Variants in APH1B observed in about 807,000 individuals in gnomAD.
The protein encoded by APH1B is aph-1B gamma-secretase subunit.
A neutral mutation model predicts 28.2 loss-of-function variants in APH1B; 27 were observed. That is an observed-to-expected ratio of 0.96 (90% CI 0.70 to 1.32). APH1B has a LOEUF of 1.32. Among genes scored for constraint, APH1B ranks in the 40% most tolerant of loss-of-function variants. APH1B has a pLI of 0.00. For missense variants in APH1B, 305 were observed against 313.6 expected (o/e 0.97, Z 0.21); for synonymous variants, 141 against 124.6 (o/e 1.13, Z -0.88).
chr15:63,286,013 A>G (rs977517519), intron 2 of APH1B, among the ~76,000 whole-genome samples: 15 of 152,208 alleles, frequency 9.9e-5, no homozygotes, highest in Non-Finnish European at 2.1e-4. Flanking sequence ...GTGATTACCA[A>G]CCATTGGTAG....
intron 3 of APH1B, among the ~76,000 whole-genome samples, chr15:63,286,871 T>C (rs2038452518): frequency 6.6e-6 from 1 of 152,244 alleles, no homozygotes; most frequent in Non-Finnish European, 1.5e-5. Context: ...ATTTTTAATG[T>C]GTATGTACCC....
intron 4 of APH1B, among the ~76,000 whole-genome samples, chr15:63,296,934 G>C (rs556778456): frequency 7.2e-5 from 11 of 152,082 alleles, no homozygotes; most frequent in Non-Finnish European, 1.3e-4. Context: ...GAGCCACCCC[G>C]CCCGGCTGTA....
chr15:63,281,247 T>G (rs747893902), intron 2 of APH1B, among the ~76,000 whole-genome samples: 25 of 152,278 alleles, frequency 1.6e-4, no homozygotes, highest in Admixed American at 8.5e-4. Context: ...CTTTCAAGAA[T>G]GAACAGTCCT....
intron 4 of APH1B, chr15:63,291,976 T>A (rs1315008842): frequency 1.3e-5 from 2 of 152,284 alleles, no homozygotes; most frequent in Non-Finnish European, 2.9e-5. Flanking sequence ...TTATCAGCAA[T>A]GCACAGTCAG....
intron 4 of APH1B, 135 bp from the exon 5 acceptor site, chr15:63,302,210 G>C: frequency 1.9e-6 from 2 of 1,044,678 alleles, no homozygotes. Flanking sequence ...GTGTGTCAAG[G>C]CCCTGTTTCT....
intron 2 of APH1B, 34 bp downstream of exon 2, chr15:63,279,365 C>G (rs1464269382): frequency 6.4e-6 from 10 of 1,556,764 alleles, no homozygotes; most frequent in Non-Finnish European, 8.8e-6. Flanking sequence ...TTTTTTTTCC[C>G]CAGTTAGATT....
intron 4 of APH1B, among the ~76,000 whole-genome samples, chr15:63,293,287 C>T (rs1162382664): frequency 6.7e-6 from 1 of 150,260 alleles, no homozygotes; most frequent in East Asian, 2.0e-4. Context: ...GCCTCACCCT[C>T]CCCAGTAGCT....
intron 4 of APH1B, among the ~76,000 whole-genome samples, chr15:63,297,377 A>G (rs2038578885): frequency 6.6e-6 from 1 of 152,034 alleles, no homozygotes; most frequent in South Asian, 2.1e-4. Flanking sequence ...AAACAGAAAA[A>G]AATTAGTCGG....
In APH1B at chr15:63,286,718, G is replaced by A. The variant is rs59606690; in HGVS notation, c.355+90G>A. 4.6e-5 allele frequency: 58 copies of A among 1,255,734 alleles called. No individual in the cohort carries two copies. The Middle Eastern group carries it at 1.7e-3, about 37-fold the overall frequency. 77.8% of individuals were successfully genotyped at this position (1,255,734 alleles called of 1,614,324 possible). On this transcript the variant is annotated intron_variant, in intron 3 of 5. Coordinates refer to ENST00000261879, the MANE Select transcript of APH1B (RefSeq NM_031301.4). ...TCTTTTGTATCTTTGTAGATTTCAA[G>A]TAGTTGTTTATTACTGCCTTGGCCT...
chr15:63,286,421 T>A, intron 2 of APH1B, 137 bp from the exon 3 acceptor site: 1 of 654,328 alleles, frequency 1.5e-6, no homozygotes. Context: ...TTAAATAAAT[T>A]ACAGATTTAG....
rs1052524151 is a variant in APH1B, at chr15:63,304,353, G to A, written c.607-1261G>A. On this transcript the variant is annotated intron_variant, in intron 5 of 5. Coordinates refer to ENST00000261879, the MANE Select transcript of APH1B (RefSeq NM_031301.4). This position sits in a 1 kb window ranked among gnomAD's most constrained non-coding sequence, Gnocchi z 5.1. ...AGTTACACAGGTGTGTTCATGCTGG[G>A]AAAATAAGGTTGAGCAAGTCTTCAG... is the stretch of plus-strand genomic sequence containing the variant. Among the ~76,000 whole-genome samples the A allele has an allele frequency of 4.6e-5, 7 of 152,170 alleles. No homozygotes were observed. The highest frequency in any genetic ancestry group is 7.4e-5 in the Non-Finnish European group (5 of 68,024).
chr15:63,282,450 A>C (rs1464849732), intron 2 of APH1B, among the ~76,000 whole-genome samples: 1 of 152,232 alleles, frequency 6.6e-6, no homozygotes, highest in Non-Finnish European at 1.5e-5. Flanking sequence ...TTGTTCTTAC[A>C]TGAATGAATA....
intron 4 of APH1B, among the ~76,000 whole-genome samples, chr15:63,298,897 TAA>T (rs11361217): frequency 2.7e-3 from 385 of 142,888 alleles, no homozygotes; most frequent in Non-Finnish European, 3.2e-3. Context: ...GTGTTGAATG[TAA>T]AAAAAAAAAA....
At position 63,305,770 on chromosome 15, in the gene APH1B, C is replaced by A; in HGVS notation, c.763C>A (p.Arg255Ser). 1 of 1,613,904 alleles carries A rather than the reference C, an allele frequency of 6.2e-7. No individual in the cohort carries two copies. The highest frequency in any genetic ancestry group is 8.5e-7 in the Non-Finnish European group (1 of 1,179,968). Residue 255 changes from arginine to serine, a missense_variant, in exon 6 of 6, where the codon CGC (arginine) becomes AGC (serine). Coordinates refer to ENST00000261879, the MANE Select transcript of APH1B (RefSeq NM_031301.4). ...QDKNFLLYNQRSR is the reference protein window; with the variant it reads ...QDKNFLLYNQSSR ...CAAGAACTTTCTTCTTTACAACCAG[C>A]GCTCCAGATAACCTCAGGGAACCAG...
At chr15:63,283,797 A>T (rs1352331209) in intron 2 of APH1B, among the ~76,000 whole-genome samples, 1 of 152,162 alleles carries the variant, frequency 6.6e-6, no homozygotes, top group African/African-American at 2.4e-5. Context: ...GCACCTATGT[A>T]TTCTTCTGAC....
At position 63,290,290 on chromosome 15, in the gene APH1B, G is replaced by A. The variant is rs189612902; in HGVS notation, c.478+2744G>A. Among the ~76,000 whole-genome samples the A allele has an allele frequency of 5.9e-5, 9 of 152,196 alleles. No individual in the cohort carries two copies. In the East Asian group the frequency reaches 1.7e-3, roughly 29 times the overall value. ...TTACTTCTTTTTTATTTGTGGTTAT[G>A]TTGTAGGCTAGCATTAAATTTTACT... is the stretch of plus-strand genomic sequence containing the variant. On this transcript the variant is annotated intron_variant, in intron 4 of 5. Coordinates refer to ENST00000261879, the MANE Select transcript of APH1B (RefSeq NM_031301.4).
intron 4 of APH1B, among the ~76,000 whole-genome samples, chr15:63,300,568 A>G (rs543567680): frequency 1.3e-5 from 2 of 152,318 alleles, no homozygotes; most frequent in South Asian, 4.1e-4. Context: ...GCCGTCACCA[A>G]GCATCTCTCT....
chr15:63,278,996 T>C (rs2038355791), intron 1 of APH1B, among the ~76,000 whole-genome samples, 165 bp from the exon 2 acceptor site: 2 of 152,332 alleles, frequency 1.3e-5, no homozygotes, highest in Admixed American at 6.5e-5. Context: ...AATGCACCGT[T>C]AAGAACAACT....
At chr15:63,278,485 C>A in intron 1 of APH1B, 1 of 381,548 alleles carries the variant, frequency 2.6e-6, no homozygotes, top group Admixed American at 3.4e-5. Flanking sequence ...TTCTGCGTTT[C>A]TTCACCTCCC....
Sources: allele counts gnomAD v4.1 joint callset (sites outside exome capture counted in the v4.1 genomes callset), GRCh38; gene constraint gnomAD v4.1.1; non-coding constraint Gnocchi (gnomAD v3.1); transcripts MANE v1.5; gene names NCBI Gene and HGNC (gene_info 2026-07-23, HGNC 2026-07-21).